The following TTC12 variants were observed in gnomAD, a reference collection of about 807,000 sequenced individuals.
The protein encoded by TTC12 is tetratricopeptide repeat domain 12.
In TTC12, 70 loss-of-function variants were observed where a neutral mutation model predicts 90.1. That is an observed-to-expected ratio of 0.78 (90% CI 0.64 to 0.95). TTC12 has a LOEUF of 0.95. TTC12 is among the 40% of genes least tolerant of loss of function. The probability of loss-of-function intolerance (pLI) is 0.00; values close to 1 mark genes in which losing one functional copy is unlikely to be tolerated. For synonymous variants in TTC12, 296 were observed against 311.5 expected (o/e 0.95, Z 0.53); for missense variants, 819 against 846.1 (o/e 0.97, Z 0.40).
chr11:113,359,417 G>A lies in TTC12; in HGVS notation c.1501G>A (p.Gly501Arg). 6.2e-7 allele frequency: 1 copy of A among 1,613,664 alleles called. No homozygotes were observed. The highest frequency in any genetic ancestry group is 8.5e-7 in the Non-Finnish European group (1 of 1,179,666). The change falls in exon 17 of 22, where the codon GGA becomes AGA. Residue 501 changes from glycine (G) to arginine (R), a missense_variant. Physicochemically the swap from Gly to Arg is moderately radical, Grantham distance 125 (BLOSUM62 -2). Coordinates refer to ENST00000529221, the MANE Select transcript of TTC12 (RefSeq NM_017868.4). Reference sequence around the variant, plus strand: ...CAGAGAGGTTATCTACACACTCCTGGGACTCATGATGAACCTGTGTCTTCA... The same window carrying A: ...CAGAGAGGTTATCTACACACTCCTGAGACTCATGATGAACCTGTGTCTTCA... Reference protein sequence around the residue: ...LFREVIYTLLGLMMNLCLQAP... With the variant: ...LFREVIYTLLRLMMNLCLQAP...
chr11:113,366,093 C>T, intron 21 of TTC12, 132 bp from the exon 22 acceptor site: 3 of 950,102 alleles, frequency 3.2e-6, no homozygotes, highest in Admixed American at 2.0e-5. Flanking sequence ...GCCACAGCCA[C>T]TTCCTGTTTC....
rs942167505 is a variant in TTC12 at position 113,366,149 on chromosome 11, G to A, written c.2043-76G>A. ...ACGTTCTCAGCCAGCTTCCATCTGAGAGGGTGTTGGCTCTGGGCTCCAGAA... is the reference window on the plus strand; with the variant it reads ...ACGTTCTCAGCCAGCTTCCATCTGAAAGGGTGTTGGCTCTGGGCTCCAGAA... On this transcript the variant is annotated intron_variant, in intron 21 of 21. Coordinates refer to ENST00000529221, the MANE Select transcript of TTC12 (RefSeq NM_017868.4). 4.6e-6 allele frequency: 7 copies of A among 1,513,292 alleles called. No individual in the cohort carries two copies. The African/African-American group carries it at 8.2e-5, about 18-fold the overall frequency. 93.7% of individuals were successfully genotyped at this position (1,513,292 alleles called of 1,614,324 possible).
chr11:113,364,794 G>A (rs1487044354), intron 20 of TTC12, 41 bp from the exon 21 acceptor site: 1 of 1,562,862 alleles, frequency 6.4e-7, no homozygotes, highest in South Asian at 1.1e-5. Context: ...CCTATTTTGG[G>A]ATTAAAAGGA....
intron 16 of TTC12, among the ~76,000 whole-genome samples, chr11:113,358,648 C>T (rs1378779655): frequency 6.6e-6 from 1 of 152,172 alleles, no homozygotes; most frequent in Non-Finnish European, 1.5e-5. Context: ...TGTCCCTGGC[C>T]ATTCTCCACT....
intron 13 of TTC12, among the ~76,000 whole-genome samples, chr11:113,347,649 T>C (rs78598737): frequency 3.6e-4 from 55 of 152,296 alleles, no homozygotes; most frequent in African/African-American, 1.3e-3. Context: ...CTCCCAGCTT[T>C]CCAGTACTTT....
intron 10 of TTC12, among the ~76,000 whole-genome samples, chr11:113,340,297 A>G (rs574331287): frequency 1.3e-5 from 2 of 152,366 alleles, no homozygotes; most frequent in Admixed American, 6.5e-5. Context: ...GAGCTTGGAA[A>G]TAGCTTTGAA....
intron 5 of TTC12, 82 bp downstream of exon 5, chr11:113,324,764 A>G (rs541382438): frequency 1.4e-5 from 17 of 1,247,100 alleles, no homozygotes; most frequent in Admixed American, 3.9e-5. Context: ...CTGACATTTG[A>G]GGACATCTAG....
At position 113,340,626 on chromosome 11, in the gene TTC12, T is replaced by A. The variant is rs1555145678; in HGVS notation, c.827-38T>A. 5 of 1,557,212 alleles carry A rather than the reference T, an allele frequency of 3.2e-6. No individual in the cohort carries two copies. The Admixed American group carries it at 8.3e-5, about 26-fold the overall frequency. ...TGCAGCGAGACACCAGCCAGCCAGT[T>A]TGGGAGTCTGAAGTGGTTTTCTTTG... On this transcript the variant is annotated intron_variant, in intron 10 of 21. Coordinates refer to ENST00000529221, the MANE Select transcript of TTC12 (RefSeq NM_017868.4).
intron 2 of TTC12, among the ~76,000 whole-genome samples, chr11:113,319,304 A>G (rs1555137181): frequency 6.6e-6 from 1 of 152,194 alleles, no homozygotes. Flanking sequence ...CAAAATAAGG[A>G]AAGGGTGAGA....
chr11:113,324,387 C>T (rs1426953974), intron 4 of TTC12, among the ~76,000 whole-genome samples: 1 of 152,198 alleles, frequency 6.6e-6, no homozygotes, highest in African/African-American at 2.4e-5. Context: ...GAAGCACAGT[C>T]ATAGCCATCA....
In TTC12 at chr11:113,350,125, A is replaced by C; in HGVS notation, c.1207A>C (p.Thr403Pro). The change falls in exon 14 of 22, where the codon ACT (threonine) becomes CCT (proline). Residue 403 changes from threonine (T) to proline (P), a missense_variant. Thr to Pro is a conservative substitution (Grantham distance 38). Coordinates refer to ENST00000529221, the MANE Select transcript of TTC12 (RefSeq NM_017868.4). ...FLDFSDKEAN[T>P]AMGLFTDLAL... ...TGATTTCTCGGATAAGGAGGCCAAC[A>C]CTGCTATGGGACTGTTCACAGACTT... 1 of 1,613,958 alleles carries C rather than the reference A, an allele frequency of 6.2e-7. No individual in the cohort carries two copies.
chr11:113,318,346 C>T (rs1446105993), intron 2 of TTC12, among the ~76,000 whole-genome samples: 2 of 152,172 alleles, frequency 1.3e-5, no homozygotes, highest in African/African-American at 4.8e-5. Context: ...ACTTTATTTT[C>T]TTAGAGTTCT....
chr11:113,327,783 TC>T (rs1947782553), intron 6 of TTC12, among the ~76,000 whole-genome samples: 1 of 152,160 alleles, frequency 6.6e-6, no homozygotes, highest in Non-Finnish European at 1.5e-5. Context: ...CTTCACATCC[TC>T]TAATTTTCAA....
intron 19 of TTC12, 78 bp from the exon 20 acceptor site, chr11:113,363,750 A>G: frequency 2.0e-6 from 2 of 996,816 alleles, no homozygotes; most frequent in African/African-American, 1.6e-5. Context: ...TAGCGCTATA[A>G]TAACTGCTTG....
At chr11:113,364,512 C>T in intron 20 of TTC12, 1 of 351,196 alleles carries the variant, frequency 2.8e-6, no homozygotes, top group African/African-American at 2.1e-5. Context: ...GATAAGACCT[C>T]TCACCCTGGC....
chr11:113,344,619 G>T (rs1410407860), intron 13 of TTC12, among the ~76,000 whole-genome samples, 179 bp downstream of exon 13: 8 of 152,196 alleles, frequency 5.3e-5, no homozygotes, highest in Non-Finnish European at 8.8e-5. Flanking sequence ...TCCGAACTTG[G>T]TACCATGGAT....
chr11:113,368,564 G>A (rs767141868), downstream of TTC12: 5 of 1,397,828 alleles, frequency 3.6e-6, no homozygotes, highest in South Asian at 6.2e-5. Context: ...TGAAGCCACA[G>A]CAGAGGTGGC....
intron 6 of TTC12, among the ~76,000 whole-genome samples, chr11:113,327,169 A>G (rs1486042777): frequency 6.6e-6 from 1 of 152,218 alleles, no homozygotes; most frequent in African/African-American, 2.4e-5. Flanking sequence ...TTATATTTTC[A>G]CTGCACTCAT....
chr11:113,328,081 T>C (rs1947803506), intron 6 of TTC12, among the ~76,000 whole-genome samples: 2 of 152,224 alleles, frequency 1.3e-5, no homozygotes, highest in Non-Finnish European at 2.9e-5. Context: ...TGTGTTGCAG[T>C]GCCCTGGTAC....
Sources: gnomAD v4.1 joint callset for allele counts (sites outside exome capture counted in the v4.1 genomes callset) on GRCh38, gnomAD v4.1.1 for gene constraint, MANE v1.5 for transcripts, NCBI Gene and HGNC (gene_info 2026-07-23, HGNC 2026-07-21) for gene names.